FAM168A: variants seen among roughly 807,000 people sequenced by gnomAD.
The protein encoded by FAM168A is family with sequence similarity 168 member A, also known as protein FAM168A.
FAM168A carries 3 observed loss-of-function variants against 28.5 expected under a neutral mutation model. The observed-to-expected ratio is 0.11, with a 90% CI of 0.05 to 0.27. The LOEUF (loss-of-function observed/expected upper bound fraction) is 0.27. FAM168A is among the 10% of genes least tolerant of loss of function. FAM168A has a pLI of 1.00. For synonymous variants in FAM168A, 122 were observed against 124.2 expected (o/e 0.98, Z 0.12); for missense variants, 222 against 311.5 (o/e 0.71, Z 2.16).
chr11:73,442,416 G>A (rs960309175), intron 2 of FAM168A, among the ~76,000 whole-genome samples: 8 of 152,054 alleles, frequency 5.3e-5, no homozygotes, highest in African/African-American at 7.2e-5. Flanking sequence ...ATGAGCCACC[G>A]CGCCCGGCCT....
intron 1 of FAM168A, among the ~76,000 whole-genome samples, chr11:73,527,253 C>T (rs889001452): frequency 1.1e-4 from 17 of 152,258 alleles, no homozygotes; most frequent in Non-Finnish European, 1.8e-4. Context: ...TCCATGGTTC[C>T]ATCTAGATAC....
At chr11:73,470,818 C>T (rs1867803441) in intron 1 of FAM168A, among the ~76,000 whole-genome samples, 1 of 152,166 alleles carries the variant, frequency 6.6e-6, no homozygotes, top group Non-Finnish European at 1.5e-5. Context: ...GTACAACTTA[C>T]CTGTAAACAT....
chr11:73,410,669 TAAAAC>T (rs1023298808), intron 5 of FAM168A: 4 of 152,138 alleles, frequency 2.6e-5, no homozygotes, highest in African/African-American at 4.8e-5. Context: ...TTAAAAAAAA[TAAAAC>T]AAGAGGCTTG....
chr11:73,543,466 G>A (rs1943683261), intron 1 of FAM168A, among the ~76,000 whole-genome samples: 1 of 151,904 alleles, frequency 6.6e-6, no homozygotes, highest in Non-Finnish European at 1.5e-5. Flanking sequence ...TCGCCATGTT[G>A]GCCAGGCTAG....
chr11:73,448,741 T>C (rs1364247676), intron 2 of FAM168A, among the ~76,000 whole-genome samples: 2 of 152,058 alleles, frequency 1.3e-5, no homozygotes, highest in African/African-American at 2.4e-5. Flanking sequence ...TTTTCCTACC[T>C]CCATCAGAGA....
intron 1 of FAM168A, among the ~76,000 whole-genome samples, chr11:73,505,065 T>C (rs761140200): frequency 1.8e-4 from 27 of 151,582 alleles, no homozygotes; most frequent in Non-Finnish European, 2.9e-4. Flanking sequence ...CAAACCACCA[T>C]GGCACACGTA....
At chr11:73,441,176 A>G (rs1356667710) in intron 2 of FAM168A, among the ~76,000 whole-genome samples, 1 of 151,564 alleles carries the variant, frequency 6.6e-6, no homozygotes, top group Non-Finnish European at 1.5e-5. Flanking sequence ...CCCCTGCCTC[A>G]GCCTCCCAAG....
intron 1 of FAM168A, among the ~76,000 whole-genome samples, chr11:73,596,736 C>T (rs1046915333): frequency 3.9e-5 from 6 of 152,022 alleles, no homozygotes; most frequent in Non-Finnish European, 8.8e-5. Flanking sequence ...CCCAATTCCC[C>T]CCTGCTCTCC....
chr11:73,420,992 G>A (rs912917799), intron 3 of FAM168A: 1 of 150,116 alleles, frequency 6.7e-6, no homozygotes, highest in African/African-American at 2.5e-5. Flanking sequence ...ACACTAGAGA[G>A]GAAACATTCT....
At chr11:73,529,797 T>TC (rs1943493893) in intron 1 of FAM168A, among the ~76,000 whole-genome samples, 2 of 84,124 alleles carry the variant, frequency 2.4e-5, no homozygotes, top group East Asian at 4.5e-4. Flanking sequence ...CTTTTTCTTC[T>TC]TTTTTTTTTT....
At chr11:73,555,306 GAAGA>G (rs1420868277) in intron 1 of FAM168A, among the ~76,000 whole-genome samples, 1 of 152,152 alleles carries the variant, frequency 6.6e-6, no homozygotes, top group Non-Finnish European at 1.5e-5. Context: ...CATTCCAGTA[GAAGA>G]GAGAGTTAGG....
chr11:73,408,943 TC>T (rs1324034262), intron 6 of FAM168A, among the ~76,000 whole-genome samples: 2 of 152,032 alleles, frequency 1.3e-5, no homozygotes, highest in Non-Finnish European at 2.9e-5. Context: ...AGTGCTAGCA[TC>T]ATCTCTCTCC....
chr11:73,438,487 G>A (rs1320680143), intron 2 of FAM168A, among the ~76,000 whole-genome samples: 1 of 152,154 alleles, frequency 6.6e-6, no homozygotes, highest in Non-Finnish European at 1.5e-5. Flanking sequence ...TTAGGGAAAT[G>A]GCAAACAGTT....
At chr11:73,584,418 T>G (rs1944283818) in intron 1 of FAM168A, among the ~76,000 whole-genome samples, 1 of 151,892 alleles carries the variant, frequency 6.6e-6, no homozygotes, top group Non-Finnish European at 1.5e-5. Context: ...CTGCCTTGGC[T>G]TCCAGAAGTG....
At chr11:73,559,564 T>C (rs1390749427) in intron 1 of FAM168A, among the ~76,000 whole-genome samples, 2 of 152,234 alleles carry the variant, frequency 1.3e-5, no homozygotes, top group African/African-American at 2.4e-5. Flanking sequence ...ATTTCTTTTA[T>C]ATAAAATATT....
rs2134479426 is a variant in FAM168A at position 73,409,717 on chromosome 11, A to T, written c.421-56T>A. 2.0e-6 allele frequency: 3 copies of T among 1,535,944 alleles called. No homozygotes were observed. The South Asian group carries it at 3.7e-5, about 19-fold the overall frequency. ...ATTTGGAGAGGTAGGTGGGATATGG[A>T]GAGAGCAGCACTGGCTGAAGGACAC... On this transcript the variant is annotated intron_variant, in intron 5 of 7. Coordinates refer to ENST00000356467, the MANE Select transcript of FAM168A (RefSeq NM_015159.3).
rs78975595 is a variant in FAM168A at position 73,435,746 on chromosome 11, T to C, written c.71-4976A>G. Among the ~76,000 whole-genome samples, 1,103 of 152,258 alleles carry C rather than the reference T, an allele frequency of 7.2e-3. 13 individuals are homozygous for C. Among genetic ancestry groups the C allele is most frequent in the Non-Finnish European group, 0.011 (757 of 68,000 alleles). On this transcript the variant is annotated intron_variant, in intron 2 of 7. Transcript: ENST00000356467. ...GAGGATTGCTTGAGCTCAGGATCTC[T>C]ACAGTCTTGTGACACATGACTGTAC... is the stretch of plus-strand genomic sequence containing the variant.
chr11:73,527,547 C>A (rs562520128), intron 1 of FAM168A, among the ~76,000 whole-genome samples: 1 of 152,252 alleles, frequency 6.6e-6, no homozygotes, highest in Non-Finnish European at 1.5e-5. Context: ...ATTATCACAT[C>A]CATTTTACAG....
intron 1 of FAM168A, 134 bp downstream of exon 1, chr11:73,597,789 C>T (rs541427708): frequency 6.6e-6 from 1 of 151,820 alleles, no homozygotes; most frequent in Admixed American, 6.6e-5. Flanking sequence ...CCCGCCAGCC[C>T]GCCGTTCCAT....
Sources: gnomAD v4.1 joint callset for allele counts (sites outside exome capture counted in the v4.1 genomes callset) on GRCh38, gnomAD v4.1.1 for gene constraint, MANE v1.5 for transcripts, NCBI Gene and HGNC (gene_info 2026-07-23, HGNC 2026-07-21) for gene names.